The following IFT25 variants were observed in gnomAD, a reference collection of about 807,000 sequenced individuals.
IFT25 encodes intraflagellar transport 25, also known as intraflagellar transport protein 25 homolog.
the IFT25 span, among the ~76,000 whole-genome samples, chr1:53,924,188 C>A: frequency 6.6e-6 from 1 of 151,790 alleles, no homozygotes; most frequent in Non-Finnish European, 1.5e-5. Context: ...ATGCAAAGGT[C>A]AATTATATTA....
chr1:53,914,650 G>T, the IFT25 span, among the ~76,000 whole-genome samples: 6 of 151,964 alleles, frequency 3.9e-5, no homozygotes, highest in Non-Finnish European at 7.4e-5. Flanking sequence ...TATATTTCTA[G>T]AAATGGAATT....
the IFT25 span, among the ~76,000 whole-genome samples, chr1:53,916,227 C>A: frequency 6.7e-6 from 1 of 148,438 alleles, no homozygotes; most frequent in Non-Finnish European, 1.5e-5. Context: ...CAGTGAAATA[C>A]AAAACAAAGC....
the IFT25 span, among the ~76,000 whole-genome samples, chr1:53,927,003 G>A: frequency 6.6e-6 from 1 of 152,114 alleles, no homozygotes; most frequent in Non-Finnish European, 1.5e-5. Flanking sequence ...GGGATTACAG[G>A]CATGAGCCAC....
chr1:53,921,349 T>C, the IFT25 span, among the ~76,000 whole-genome samples: 5 of 152,206 alleles, frequency 3.3e-5, no homozygotes, highest in Non-Finnish European at 5.9e-5. Context: ...AAAAAATTAA[T>C]GCACTACGAT....
the IFT25 span, among the ~76,000 whole-genome samples, chr1:53,921,111 T>C: frequency 6.6e-6 from 1 of 152,100 alleles, no homozygotes. Context: ...GGATGGAGGC[T>C]GCAGTGAGCC....
chr1:53,935,280 T>TC, the IFT25 span, among the ~76,000 whole-genome samples: 12 of 152,210 alleles, frequency 7.9e-5, no homozygotes, highest in African/African-American at 2.9e-4. Flanking sequence ...GCCACTGCAC[T>TC]CCGACACTGT....
the IFT25 span, among the ~76,000 whole-genome samples, chr1:53,922,792 T>C: frequency 6.6e-6 from 1 of 152,092 alleles, no homozygotes; most frequent in East Asian, 1.9e-4. Flanking sequence ...TAATACTAAG[T>C]TAAAAAAAAA....
the IFT25 span, among the ~76,000 whole-genome samples, chr1:53,917,588 G>A: frequency 1.3e-5 from 2 of 152,172 alleles, no homozygotes; most frequent in African/African-American, 4.8e-5. Flanking sequence ...CACTTTGGGA[G>A]GCTGAGGCAG....
the IFT25 span, chr1:53,924,003 G>T: frequency 9.0e-7 from 1 of 1,111,836 alleles, no homozygotes; most frequent in Non-Finnish European, 1.4e-6. Context: ...CATGAGAATA[G>T]CTATTGAAAT....
At chr1:53,915,958 G>A in the IFT25 span, among the ~76,000 whole-genome samples, 1 of 152,216 alleles carries the variant, frequency 6.6e-6, no homozygotes, top group African/African-American at 2.4e-5. Flanking sequence ...GCCAAGGTAG[G>A]AGGATCCTGT....
chr1:53,931,806 TTTA>T, the IFT25 span, among the ~76,000 whole-genome samples: 1 of 152,206 alleles, frequency 6.6e-6, no homozygotes, highest in Non-Finnish European at 1.5e-5. Context: ...AACTTTAGGC[TTTA>T]TTATTTTTTC....
the IFT25 span, among the ~76,000 whole-genome samples, chr1:53,945,295 G>T: frequency 1.3e-5 from 2 of 152,216 alleles, no homozygotes; most frequent in Non-Finnish European, 2.9e-5. Context: ...TTTACAACTG[G>T]TTTTCCCTTT....
the IFT25 span, among the ~76,000 whole-genome samples, chr1:53,941,261 G>A: frequency 6.6e-6 from 1 of 152,098 alleles, no homozygotes; most frequent in African/African-American, 2.4e-5. Context: ...CCAAAGTGCT[G>A]GGATTACAGG....
chr1:53,929,764 A>T, the IFT25 span: 1 of 308,478 alleles, frequency 3.2e-6, no homozygotes, highest in South Asian at 1.0e-4. Flanking sequence ...TTACATAGTA[A>T]ATTGCATGGA....
the IFT25 span, chr1:53,929,823 C>A: frequency 3.2e-6 from 2 of 626,216 alleles, no homozygotes; most frequent in Non-Finnish European, 4.7e-6. Flanking sequence ...TTGAGAGAGG[C>A]CAACTGAGCT....
chr1:53,943,661 T>C, the IFT25 span, among the ~76,000 whole-genome samples: 3 of 152,026 alleles, frequency 2.0e-5, no homozygotes, highest in Non-Finnish European at 2.9e-5. Flanking sequence ...CTGGGCTCTA[T>C]GGCCCAGGCT....
At chr1:53,916,726 C>G in the IFT25 span, 4 of 360,584 alleles carry the variant, frequency 1.1e-5, no homozygotes, top group Non-Finnish European at 2.0e-5. Context: ...TTGCTCTACT[C>G]AGACTTTTTT....
the IFT25 span, among the ~76,000 whole-genome samples, chr1:53,933,246 T>G: frequency 2.6e-5 from 4 of 151,370 alleles, no homozygotes; most frequent in African/African-American, 9.7e-5. Context: ...GCCATTCTCC[T>G]GCCTCAGCCT....
the IFT25 span, among the ~76,000 whole-genome samples, chr1:53,945,018 G>A: frequency 1.3e-5 from 2 of 152,106 alleles, no homozygotes; most frequent in African/African-American, 4.8e-5. Context: ...GTGTACTTTA[G>A]AAAACACGGA....
Sources: gnomAD v4.1 joint callset for allele counts (sites outside exome capture counted in the v4.1 genomes callset) on GRCh38, gnomAD v4.1.1 for gene constraint, MANE v1.5 for transcripts, NCBI Gene and HGNC (gene_info 2026-07-23, HGNC 2026-07-21) for gene names.